GALNT13: variants seen among roughly 807,000 people sequenced by gnomAD.
GALNT13 encodes the protein polypeptide N-acetylgalactosaminyltransferase 13, also known as UDP-GalNAc:polypeptide N-acetylgalactosaminyltransferase 13.
Under a neutral mutation model 64.2 loss-of-function variants are expected in GALNT13, and 28 were observed. The ratio of observed to expected loss-of-function variants is 0.44; its 90% CI spans 0.32 to 0.60. GALNT13 has a LOEUF of 0.60. Ranked by LOEUF, GALNT13 falls within the 20% of genes least tolerant of loss-of-function variation. The probability of loss-of-function intolerance (pLI) is 0.05; values close to 1 mark genes in which losing one functional copy is unlikely to be tolerated. For missense variants in GALNT13, 577 were observed against 669.8 expected, an observed-to-expected ratio of 0.86 and a Z score of 1.53; for synonymous variants, 214 against 224.6, an observed-to-expected ratio of 0.95 and a Z score of 0.42.
chr2:154,130,850 T>C (rs1426406002), intron 3 of GALNT13, among the ~76,000 whole-genome samples: 1 of 152,214 alleles, frequency 6.6e-6, no homozygotes, highest in Admixed American at 6.5e-5. Context: ...ACAATGAATA[T>C]TGGATTATGT....
At chr2:154,283,510 T>TA (rs1692078199) in intron 8 of GALNT13, among the ~76,000 whole-genome samples, 1 of 151,048 alleles carries the variant, frequency 6.6e-6, no homozygotes, top group Non-Finnish European at 1.5e-5. Context: ...TTTTTTACTA[T>TA]ATATAAATTA....
intron 4 of GALNT13, among the ~76,000 whole-genome samples, chr2:154,232,126 A>G (rs1464546505): frequency 1.3e-5 from 2 of 152,224 alleles, no homozygotes; most frequent in African/African-American, 2.4e-5. Context: ...CATTCCAATT[A>G]TAACAATGCT....
At chr2:153,538,488 C>A in the GALNT13 span, among the ~76,000 whole-genome samples, 2 of 114,942 alleles carry the variant, frequency 1.7e-5, no homozygotes, top group Non-Finnish European at 3.5e-5. Context: ...TGCGCTGCAC[C>A]CACTAACTCA....
the GALNT13 span, among the ~76,000 whole-genome samples, chr2:153,646,825 G>A: frequency 3.3e-5 from 5 of 152,182 alleles, no homozygotes; most frequent in Non-Finnish European, 7.4e-5. Context: ...AGTATTCCAT[G>A]GTGTATATGT....
At chr2:153,843,686 T>C in the GALNT13 span, among the ~76,000 whole-genome samples, 2 of 152,316 alleles carry the variant, frequency 1.3e-5, no homozygotes, top group African/African-American at 2.4e-5. Context: ...TTCTTCCACC[T>C]ATAAGCCTGA....
chr2:153,586,335 G>A, the GALNT13 span, among the ~76,000 whole-genome samples: 6 of 152,112 alleles, frequency 3.9e-5, no homozygotes. Context: ...CATATAGATT[G>A]AAAGTAAAGG....
intron 2 of GALNT13, among the ~76,000 whole-genome samples, chr2:153,908,839 G>T (rs1688752234): frequency 6.6e-6 from 1 of 151,918 alleles, no homozygotes; most frequent in African/African-American, 2.4e-5. Flanking sequence ...GTCCAACTTT[G>T]TTCTTTTTGC....
chr2:154,180,521 A>C (rs924953038), intron 4 of GALNT13, among the ~76,000 whole-genome samples: 1 of 148,760 alleles, frequency 6.7e-6, no homozygotes, highest in Non-Finnish European at 1.5e-5. Context: ...CTGTTAAAAA[A>C]ATAGATTTGT....
intron 7 of GALNT13, among the ~76,000 whole-genome samples, chr2:154,256,267 A>G (rs1690368683): frequency 6.6e-6 from 1 of 151,904 alleles, no homozygotes. Flanking sequence ...AAAAAAAGCG[A>G]GAGAGATAAT....
At chr2:153,696,141 A>G in the GALNT13 span, among the ~76,000 whole-genome samples, 4 of 152,222 alleles carry the variant, frequency 2.6e-5, no homozygotes, top group Non-Finnish European at 4.4e-5. Context: ...AAAGTAGGGA[A>G]GCCGACAGTG....
At chr2:153,825,661 G>A in the GALNT13 span, among the ~76,000 whole-genome samples, 3 of 141,814 alleles carry the variant, frequency 2.1e-5, no homozygotes, top group East Asian at 6.1e-4. Context: ...TGTATCCACT[G>A]AAACCTGCTG....
intron 8 of GALNT13, among the ~76,000 whole-genome samples, chr2:154,265,500 A>G (rs1248089732): frequency 6.6e-6 from 1 of 152,034 alleles, no homozygotes; most frequent in Non-Finnish European, 1.5e-5. Context: ...GGAGTTGGAG[A>G]ACAGCCTAGC....
At chr2:154,080,236 G>A (rs1454279441) in intron 3 of GALNT13, among the ~76,000 whole-genome samples, 1 of 151,580 alleles carries the variant, frequency 6.6e-6, no homozygotes, top group Non-Finnish European at 1.5e-5. Flanking sequence ...CTAGCCATGA[G>A]CTGGAGTACG....
At chr2:153,541,320 C>A in the GALNT13 span, among the ~76,000 whole-genome samples, 1 of 152,272 alleles carries the variant, frequency 6.6e-6, no homozygotes. Flanking sequence ...CCTGAGGCTT[C>A]CCTAATCCTG....
the GALNT13 span, among the ~76,000 whole-genome samples, chr2:153,255,291 C>T: frequency 1.4e-5 from 2 of 141,100 alleles, no homozygotes; most frequent in African/African-American, 5.5e-5. Flanking sequence ...AGGATTGCAA[C>T]CCCTGCCTTT....
chr2:154,338,891 T>C (rs1695603570), intron 9 of GALNT13, among the ~76,000 whole-genome samples: 1 of 151,990 alleles, frequency 6.6e-6, no homozygotes, highest in African/African-American at 2.4e-5. Flanking sequence ...CTAACAAGGG[T>C]CTGCAGGGCC....
chr2:153,216,009 G>T, the GALNT13 span, among the ~76,000 whole-genome samples: 6 of 151,780 alleles, frequency 4.0e-5, no homozygotes, highest in Non-Finnish European at 7.4e-5. Context: ...TCCAACCCAT[G>T]GTAACTGCAA....
chr2:153,685,022 A>G, the GALNT13 span, among the ~76,000 whole-genome samples: 1 of 151,452 alleles, frequency 6.6e-6, no homozygotes, highest in Non-Finnish European at 1.5e-5. Context: ...CATGATGTTT[A>G]TGTATCACAT....
the GALNT13 span, among the ~76,000 whole-genome samples, chr2:153,631,556 G>A: frequency 6.6e-6 from 1 of 152,172 alleles, no homozygotes; most frequent in Admixed American, 6.5e-5. Flanking sequence ...TTTCTCTGAT[G>A]GCCAGTGATG....
Sources: allele counts gnomAD v4.1 joint callset (sites outside exome capture counted in the v4.1 genomes callset), GRCh38; gene constraint gnomAD v4.1.1; transcripts MANE v1.5; gene names NCBI Gene and HGNC (gene_info 2026-07-23, HGNC 2026-07-21).